The following OBSL1 variants were observed in gnomAD, a reference collection of about 807,000 sequenced individuals.
OBSL1 encodes the protein obscurin-like protein 1.
Under a neutral mutation model 172.0 loss-of-function variants are expected in OBSL1, and 160 were observed. The observed-to-expected ratio is 0.93, with a 90% CI of 0.82 to 1.06. OBSL1 has a LOEUF of 1.06. Ranked by LOEUF, OBSL1 falls within the 50% of genes least tolerant of loss-of-function variation. The probability of loss-of-function intolerance (pLI) is 0.00; values close to 1 mark genes in which losing one functional copy is unlikely to be tolerated. For synonymous variants in OBSL1, 1,200 were observed against 1,196.3 expected, an observed-to-expected ratio of 1.00 and a Z score of -0.06; for missense variants, 2,681 against 2,715.4, an observed-to-expected ratio of 0.99 and a Z score of 0.28.
intron 6 of OBSL1, among the ~76,000 whole-genome samples, 173 bp downstream of exon 6, chr2:219,565,069 A>G (rs1274762502): frequency 1.3e-5 from 2 of 152,206 alleles, no homozygotes; most frequent in Non-Finnish European, 1.5e-5. Context: ...CCTGTCTCCA[A>G]AAAAAACAAG....
At chr2:219,565,616 A>ATAGGCT in intron 5 of OBSL1, 102 bp from the exon 6 acceptor site, 1 of 1,218,008 alleles carries the variant, frequency 8.2e-7, no homozygotes, top group Non-Finnish European at 1.2e-6. Context: ...GTTTTTAAAA[A>ATAGGCT]TAGGCTTAGG....
In OBSL1 at chr2:219,552,550, C is replaced by T. The variant is rs1022711524; in HGVS notation, c.5294G>A (p.Arg1765His). 6.3e-7 allele frequency: 1 copy of T among 1,595,748 alleles called. No individual in the cohort carries two copies. The highest frequency in any genetic ancestry group is 8.5e-7 in the Non-Finnish European group (1 of 1,177,380). The change falls in exon 18 of 21, where the codon CGC (arginine) becomes CAC (histidine). Residue 1765 changes from arginine (R) to histidine (H), a missense_variant. This residue lies in a region of OBSL1 where 1,765 missense variants were observed against 1,748.3 expected (regional missense o/e 1.01). Coordinates refer to ENST00000404537, the MANE Select transcript of OBSL1 (RefSeq NM_015311.3). ...GRPLRPGARV[R>H]IRQEGKKHIL... Reference sequence around the variant, plus strand: ...GGCGGGCAGACCTTCCTGTCGGATGCGGACGCGGGCTCCGGGTCTCAGCGG... The same window carrying T: ...GGCGGGCAGACCTTCCTGTCGGATGTGGACGCGGGCTCCGGGTCTCAGCGG...
rs1407716372 is a variant in OBSL1 at position 219,551,694 on chromosome 2, A to G, written c.5518T>C (p.Cys1840Arg). 1 of 1,611,232 alleles carries G rather than the reference A, an allele frequency of 6.2e-7. No homozygotes were observed. Among genetic ancestry groups the G allele is most frequent in the Admixed American group, 1.7e-5 (1 of 59,894 alleles). The stretch of plus-strand genomic sequence containing the variant: ...AGCTCGGCCCCCTCCCGCAGCCAGC[A>G]CACGTGGCCCCCCGAGCGGGACACA... ...VTVSRSGGHV[C>R]WLREGAELCP... The change falls in exon 20 of 21, where the codon TGC becomes CGC. Residue 1840 changes from cysteine to arginine, a missense_variant. By Grantham distance (180) the Cys-to-Arg change is radical. Coordinates refer to ENST00000404537, the MANE Select transcript of OBSL1 (RefSeq NM_015311.3).
intron 16 of OBSL1, 142 bp from the exon 17 acceptor site, chr2:219,553,166 G>C: frequency 8.3e-7 from 1 of 1,202,136 alleles, no homozygotes; most frequent in Non-Finnish European, 1.1e-6. Flanking sequence ...GGCTGGGGTC[G>C]GACTGTCCCC....
chr2:219,570,979 C>A lies in OBSL1; in HGVS notation c.254G>T (p.Arg85Leu). The A allele has an allele frequency of 7.7e-7, 1 of 1,298,862 alleles. No homozygotes were observed. Among genetic ancestry groups the A allele is most frequent in the Non-Finnish European group, 9.7e-7 (1 of 1,030,348 alleles). 80.5% of individuals were successfully genotyped at this position (1,298,862 alleles called of 1,614,324 possible). The change falls in exon 1 of 21, where the codon CGC becomes CTC. Residue 85 changes from arginine (R) to leucine (L), a missense_variant. Physicochemically the swap from Arg to Leu is moderately radical, Grantham distance 102. This residue lies in a region of OBSL1 where 67 missense variants were observed against 109.3 expected (regional missense o/e 0.61). Coordinates refer to ENST00000404537, the MANE Select transcript of OBSL1 (RefSeq NM_015311.3). ...GGCCTCGCCGGCCGCGTTGCGGGCGCGGCACACGTAGACCCCCGCGTCGGT... is the reference window on the plus strand; with the variant it reads ...GGCCTCGCCGGCCGCGTTGCGGGCGAGGCACACGTAGACCCCCGCGTCGGT... Reference protein sequence around the residue: ...LPTDAGVYVCRARNAAGEAYA... With the variant: ...LPTDAGVYVCLARNAAGEAYA...
At chr2:219,549,810 C>G (rs200881491), downstream of OBSL1, 1 of 1,613,940 alleles carries the variant, frequency 6.2e-7, no homozygotes, top group Admixed American at 1.7e-5. Context: ...GTATGGGTCC[C>G]GGGGACCTCT....
In OBSL1 at chr2:219,570,387, C is replaced by T. The variant is rs758731589; in HGVS notation, c.846G>A (p.Glu282=). 1.9e-6 allele frequency: 3 copies of T among 1,613,138 alleles called. No individual in the cohort carries two copies. The highest frequency in any genetic ancestry group is 2.5e-6 in the Non-Finnish European group (3 of 1,179,620). Residue 282 remains glutamate, a synonymous_variant, in exon 1 of 21, where the codon GAG becomes GAA. Transcript: ENST00000404537. ...KPEPEIEWHW[E]GRPLLPDRRR... is the part of the protein sequence containing the mutation. Reference sequence around the variant, plus strand: ...GGCGGTCCGGGAGCAGCGGGCGGCCCTCCCAGTGCCATTCGATCTCGGGCT... The same window carrying T: ...GGCGGTCCGGGAGCAGCGGGCGGCCTTCCCAGTGCCATTCGATCTCGGGCT...
At chr2:219,548,549 G>A (rs928512851), downstream of OBSL1, among the ~76,000 whole-genome samples, 2 of 152,218 alleles carry the variant, frequency 1.3e-5, no homozygotes, top group African/African-American at 2.4e-5. Flanking sequence ...CATGCAAAGA[G>A]CTAGAGAAGA....
chr2:219,551,626 G>A lies in OBSL1; in HGVS notation c.5586C>T (p.Thr1862=). 1 of 1,611,714 alleles carries A rather than the reference G, an allele frequency of 6.2e-7. No individual in the cohort carries two copies. Among genetic ancestry groups the A allele is most frequent in the Non-Finnish European group, 8.5e-7 (1 of 1,179,068 alleles). ...DKYEMRSHGP[T]HSLVIHDVRP... ...GAACGTCATGGATGACCAGGCTGTGGGTGGGGCCGTGGCTGCGCATCTCAT... is the reference window on the plus strand; with the variant it reads ...GAACGTCATGGATGACCAGGCTGTGAGTGGGGCCGTGGCTGCGCATCTCAT... The change falls in exon 20 of 21, where the codon ACC becomes ACT. Residue 1862 remains threonine, a synonymous_variant. Coordinates refer to ENST00000404537, the MANE Select transcript of OBSL1 (RefSeq NM_015311.3).
chr2:219,559,252 A>G lies in OBSL1; in HGVS notation c.3199T>C (p.Ser1067Pro). 1 of 1,610,018 alleles carries G rather than the reference A, an allele frequency of 6.2e-7. No homozygotes were observed. The highest frequency in any genetic ancestry group is 8.5e-7 in the Non-Finnish European group (1 of 1,176,714). The change falls in exon 9 of 21, where the codon TCG (serine) becomes CCG (proline). Residue 1067 changes from serine (S) to proline (P), a missense_variant. Physicochemically the swap from Ser to Pro is moderately conservative, Grantham distance 74. Transcript: ENST00000404537. ...GEFVCDAGDD[S>P]AFFTVTVTAP... ...GTGACAGTGACAGTGAAGAAGGCCGAGTCATCTCCAGCATCACATACAAAC... is the reference window on the plus strand; with the variant it reads ...GTGACAGTGACAGTGAAGAAGGCCGGGTCATCTCCAGCATCACATACAAAC...
chr2:219,548,734 G>A (rs1009622470), downstream of OBSL1, among the ~76,000 whole-genome samples: 1 of 152,270 alleles, frequency 6.6e-6, no homozygotes, highest in East Asian at 1.9e-4. Context: ...CCACTGGAGA[G>A]TTTAAAGTAG....
intron 6 of OBSL1, among the ~76,000 whole-genome samples, 178 bp downstream of exon 6, chr2:219,565,064 C>T (rs1022978521): frequency 9.2e-5 from 14 of 152,100 alleles, no homozygotes; most frequent in African/African-American, 3.1e-4. Flanking sequence ...GAGAGCCTGT[C>T]TCCAAAAAAA....
Position 219,570,482 on chromosome 2 carries a change from C to A in OBSL1, c.751G>T (p.Ala251Ser), listed in dbSNP as rs201338267. 881 of 1,612,508 alleles carry A rather than the reference C, an allele frequency of 5.5e-4. 3 individuals carry two copies. In the African/African-American group the frequency reaches 8.5e-3, roughly 16 times the overall value. ...PAPVVEPLKC[A>S]PKTFWVNEGK... is the part of the protein sequence containing the mutation. ...TCGTTCACCCAGAAGGTCTTAGGCGCGCACTTGAGCGGCTCCACCACCGGC... is the reference window on the plus strand; with the variant it reads ...TCGTTCACCCAGAAGGTCTTAGGCGAGCACTTGAGCGGCTCCACCACCGGC... Residue 251 changes from alanine (A) to serine (S), a missense_variant, in exon 1 of 21, where the codon GCG becomes TCG. This residue lies in a region of OBSL1 where 706 missense variants were observed against 695.8 expected (regional missense o/e 1.01). Transcript: ENST00000404537.
In OBSL1 at chr2:219,550,833, TCCTAGTTG is replaced by T; in HGVS notation, c.5685_*1del. 1 of 1,611,754 alleles carries T rather than the reference TCCTAGTTG, an allele frequency of 6.2e-7. No individual in the cohort carries two copies. Among genetic ancestry groups the T allele is most frequent in the South Asian group, 1.1e-5 (1 of 90,462 alleles). On this transcript the variant is annotated stop_lost and splice_region_variant and 3_prime_UTR_variant, in exon 21 of 21. Transcript: ENST00000404537. ...GCACCCGCCTGGCCTGGTTAGGTTC[TCCTAGTTG>T]CCTGCAGAGGAATGACTCCACATGG...
chr2:219,552,075 A>G, intron 19 of OBSL1, 37 bp downstream of exon 19: 3 of 1,525,698 alleles, frequency 2.0e-6, no homozygotes, highest in Non-Finnish European at 2.7e-6. Flanking sequence ...GAGAGACAGG[A>G]TGTACACTCT....
In OBSL1 at chr2:219,556,488, C is replaced by A; in HGVS notation, c.4302G>T (p.Gly1434=). Residue 1434 remains glycine (G), a synonymous_variant, in exon 13 of 21, where the codon GGG becomes GGT. Transcript: ENST00000404537. The part of the protein sequence containing the change: ...GDAGTVTLRA[G]STATSARLHV... ...GGAGCCGGGCACTTGTGGCCGTGCT[C>A]CCTGCCCGCAAAGTCACGGTCCCTG... 6.2e-7 allele frequency: 1 copy of A among 1,613,870 alleles called. No individual in the cohort carries two copies. Among genetic ancestry groups the A allele is most frequent in the Non-Finnish European group, 8.5e-7 (1 of 1,179,896 alleles).
At chr2:219,562,060 C>T in intron 8 of OBSL1, 1 of 709,224 alleles carries the variant, frequency 1.4e-6, no homozygotes, top group Non-Finnish European at 2.6e-6. Context: ...CCAGGACTAC[C>T]CGTTTGCGAC....
chr2:219,558,155 C>T (rs1254921015), intron 10 of OBSL1, 29 bp downstream of exon 10: 5 of 1,610,210 alleles, frequency 3.1e-6, no homozygotes, highest in Non-Finnish European at 2.5e-6. Flanking sequence ...CCCTTGCCTC[C>T]CTGCCCTGGG....
intron 8 of OBSL1, among the ~76,000 whole-genome samples, chr2:219,561,147 G>A (rs1341731706): frequency 1.3e-5 from 2 of 152,164 alleles, no homozygotes; most frequent in Non-Finnish European, 2.9e-5. Context: ...ATTAGCTGGG[G>A]TGCAAGGAGC....
Sources: allele counts gnomAD v4.1 joint callset (sites outside exome capture counted in the v4.1 genomes callset), GRCh38; gene constraint gnomAD v4.1.1; regional missense constraint gnomAD v4.1.1; transcripts MANE v1.5; gene names NCBI Gene and HGNC (gene_info 2026-07-23, HGNC 2026-07-21).